EHD2: variants seen among roughly 807,000 people sequenced by gnomAD.
EHD2 encodes EH domain containing 2.
EHD2 carries 27 observed loss-of-function variants against 41.0 expected under a neutral mutation model. The ratio of observed to expected loss-of-function variants is 0.66; its 90% confidence interval spans 0.49 to 0.91. The LOEUF (loss-of-function observed/expected upper bound fraction) is 0.91. Ranked by LOEUF, EHD2 falls within the 40% of genes least tolerant of loss-of-function variation. The probability of loss-of-function intolerance (pLI) is 0.00; values close to 1 mark genes in which losing one functional copy is unlikely to be tolerated. For missense variants in EHD2, 673 were observed against 773.9 expected, an observed-to-expected ratio of 0.87 and a Z score of 1.55; for synonymous variants, 342 against 341.0, an observed-to-expected ratio of 1.00 and a Z score of -0.03.
Position 47,718,165 on chromosome 19 carries a change from C to T in EHD2, c.405-344C>T, listed in dbSNP as rs1377141018. ...GTGCCCACCTGTAATCCCAGCTACT[C>T]GGGAGGCTTAGGCAGGAGAATCACT... is the stretch of plus-strand genomic sequence containing the variant. On this transcript the variant is annotated intron_variant, in intron 2 of 5. Coordinates refer to ENST00000263277, the MANE Select transcript of EHD2 (RefSeq NM_014601.4). Among the ~76,000 whole-genome samples the T allele has an allele frequency of 6.0e-5, 9 of 151,056 alleles. No homozygotes were observed. In the South Asian group the frequency reaches 8.4e-4, roughly 14 times the overall value.
intron 5 of EHD2, among the ~76,000 whole-genome samples, chr19:47,736,940 T>C (rs532820433): frequency 9.2e-5 from 14 of 152,050 alleles, no homozygotes; most frequent in African/African-American, 3.1e-4. Flanking sequence ...CAGCAAGAAG[T>C]TGGGAAGGGG....
chr19:47,733,251 T>G (rs998696020), intron 4 of EHD2, among the ~76,000 whole-genome samples: 1 of 151,518 alleles, frequency 6.6e-6, no homozygotes, highest in African/African-American at 2.4e-5. Context: ...TTTTTTTTTT[T>G]TTGAGACAGT....
In EHD2 at chr19:47,741,465, C is replaced by A. The variant is rs1431802961; in HGVS notation, c.*33C>A. On this transcript the variant is annotated 3_prime_UTR_variant, in exon 6 of 6. Coordinates refer to ENST00000263277, the MANE Select transcript of EHD2 (RefSeq NM_014601.4). The surrounding 1 kb of genome is among the most constrained non-coding windows in gnomAD (Gnocchi z 4.5). ...CCCCTCCCATGGCCCTGCTGTGGCT[C>A]CCCAGCTCCAGTCGGCTGCACGCAC... 3 of 1,538,338 alleles carry A rather than the reference C, an allele frequency of 2.0e-6. No individual in the cohort carries two copies. Among genetic ancestry groups the A allele is most frequent in the Non-Finnish European group, 2.6e-6 (3 of 1,148,288 alleles).
rs368179494 is a variant in EHD2, at chr19:47,718,605, C to T, written c.501C>T (p.Arg167=). 22 of 1,548,664 alleles carry T rather than the reference C, an allele frequency of 1.4e-5. No individual in the cohort carries two copies. The highest frequency in any genetic ancestry group is 7.8e-5 in the Admixed American group (4 of 51,182). Residue 167 remains arginine (R), a splice_region_variant and synonymous_variant, in exon 3 of 6, where the codon CGC becomes CGT. Coordinates refer to ENST00000263277, the MANE Select transcript of EHD2 (RefSeq NM_014601.4). The stretch of plus-strand genomic sequence containing the variant: ...CGGGTGCCAAGCAGAGAGTGAGCCG[C>T]GGTGAGTGGGGCCAGACCCTGGGGT... The part of the protein sequence containing the change: ...ILSGAKQRVS[R]GYDFPAVLRW...
chr19:47,725,406 A>G (rs1973740276), intron 3 of EHD2, among the ~76,000 whole-genome samples: 2 of 150,910 alleles, frequency 1.3e-5, no homozygotes, highest in East Asian at 1.9e-4. Context: ...CAAAAAAAAA[A>G]AAAAAAAAAA....
In EHD2 at chr19:47,742,139, CCTT is replaced by C. The variant is rs953409031; in HGVS notation, c.*711_*713del. ...CACCCATTTATTTCCTTCCTTCCTTCCTTCTTTTCTTTCCTTCCTTCCTTCTTT... is the reference window on the plus strand; with the variant it reads ...CACCCATTTATTTCCTTCCTTCCTTCCTTTTCTTTCCTTCCTTCCTTCTTT... On this transcript the variant is annotated 3_prime_UTR_variant, in exon 6 of 6. Coordinates refer to ENST00000263277, the MANE Select transcript of EHD2 (RefSeq NM_014601.4). 1.0e-4 allele frequency: 33 copies of C among 326,952 alleles called. No homozygotes were observed. The highest frequency in any genetic ancestry group is 2.3e-4 in the Admixed American group (5 of 22,222). 20.3% of individuals were successfully genotyped at this position (326,952 alleles called of 1,614,324 possible).
At chr19:47,740,374 A>C (rs534136134) in intron 5 of EHD2, among the ~76,000 whole-genome samples, 2 of 151,758 alleles carry the variant, frequency 1.3e-5, no homozygotes, top group East Asian at 3.9e-4. Context: ...GGGAGTTGGA[A>C]GCTGCAGTGA....
intron 4 of EHD2, among the ~76,000 whole-genome samples, chr19:47,728,591 C>T (rs1320677026): frequency 7.6e-6 from 1 of 132,116 alleles, no homozygotes; most frequent in African/African-American, 2.9e-5. Flanking sequence ...TTTTTTGAGA[C>T]AGGGTCTCCC....
At chr19:47,729,153 C>T (rs1973782799) in intron 4 of EHD2, among the ~76,000 whole-genome samples, 1 of 152,090 alleles carries the variant, frequency 6.6e-6, no homozygotes, top group African/African-American at 2.4e-5. Context: ...CCCCAGGCAC[C>T]GATGACCCAG....
At chr19:47,721,166 T>TGG (rs1053816133) in intron 3 of EHD2, among the ~76,000 whole-genome samples, 7 of 37,152 alleles carry the variant, frequency 1.9e-4, no homozygotes, top group African/African-American at 1.2e-3. Flanking sequence ...CTACTGGGGG[T>TGG]GTGTGTGTGT....
Position 47,741,796 on chromosome 19 carries a change from A to C in EHD2, c.*364A>C. 1.0e-5 allele frequency: 5 copies of C among 502,064 alleles called. No homozygotes were observed. The highest frequency in any genetic ancestry group is 1.6e-5 in the Non-Finnish European group (4 of 257,648). The allele number at this position is 502,064 out of a possible 1,614,324, so 31.1% of individuals were successfully genotyped here. A position where few individuals can be genotyped will look rare whatever the true frequency, so the allele number is the denominator to read the frequency against. ...TTACCATAGAGAACAAAATAGACAA[A>C]TACATCTGCCCTCATGGAAGGTGAC... On this transcript the variant is annotated 3_prime_UTR_variant, in exon 6 of 6. Transcript: ENST00000263277. The surrounding 1 kb of genome is among the most constrained non-coding windows in gnomAD (Gnocchi z 4.5).
chr19:47,741,273 G>A lies in EHD2; in HGVS notation c.1473G>A (p.Lys491=), dbSNP rs1299531202. The A allele has an allele frequency of 2.5e-6, 4 of 1,614,146 alleles. No homozygotes were observed. Among genetic ancestry groups the A allele is most frequent in the Non-Finnish European group, 3.4e-6 (4 of 1,180,008 alleles). Residue 491 remains lysine (K), a synonymous_variant, in exon 6 of 6, where the codon AAG becomes AAA. Transcript: ENST00000263277. The surrounding 1 kb of genome is among the most constrained non-coding windows in gnomAD (Gnocchi z 4.5). ...LPNSVLGRIW[K]LSDVDRDGML... Reference sequence around the variant, plus strand: ...ACTCAGTGCTGGGGCGCATCTGGAAGCTCAGCGATGTGGACCGCGACGGCA... The same window carrying A: ...ACTCAGTGCTGGGGCGCATCTGGAAACTCAGCGATGTGGACCGCGACGGCA...
chr19:47,725,126 G>A (rs372295149), intron 3 of EHD2, among the ~76,000 whole-genome samples: 1 of 151,896 alleles, frequency 6.6e-6, no homozygotes, highest in East Asian at 1.9e-4. Flanking sequence ...ATAGAGGCAT[G>A]TGGCAGGCTT....
chr19:47,740,122 T>G (rs55886541), intron 5 of EHD2, among the ~76,000 whole-genome samples: 2,134 of 152,102 alleles, frequency 0.014, 26 homozygotes, highest in South Asian at 0.037. Flanking sequence ...TCCCAGCACT[T>G]TAGGAGGTTG....
At chr19:47,724,947 A>C (rs888655905) in intron 3 of EHD2, among the ~76,000 whole-genome samples, 36 of 126,342 alleles carry the variant, frequency 2.8e-4, no homozygotes, top group African/African-American at 1.0e-3. Flanking sequence ...ATGCCACTGC[A>C]CTCCAGCCTG....
chr19:47,741,690 C>T lies in EHD2; in HGVS notation c.*258C>T. On this transcript the variant is annotated 3_prime_UTR_variant, in exon 6 of 6. Coordinates refer to ENST00000263277, the MANE Select transcript of EHD2 (RefSeq NM_014601.4). The surrounding 1 kb of genome is among the most constrained non-coding windows in gnomAD (Gnocchi z 4.5). ...CACATCACACACACACTGGCACACG[C>T]AGGCATCCATCCATCCGTCATTCAT... is the stretch of plus-strand genomic sequence containing the variant. The T allele has an allele frequency of 1.6e-6, 1 of 634,130 alleles. No homozygotes were observed. Among genetic ancestry groups the T allele is most frequent in the Non-Finnish European group, 2.8e-6 (1 of 354,104 alleles). The allele number at this position is 634,130 out of a possible 1,614,324, so 39.3% of individuals were successfully genotyped here.
intron 3 of EHD2, 82 bp from the exon 4 acceptor site, chr19:47,725,730 A>G: frequency 6.7e-7 from 1 of 1,493,684 alleles, no homozygotes; most frequent in Non-Finnish European, 9.0e-7. Context: ...TATGCAAGAG[A>G]ATGGGATACT....
chr19:47,732,619 C>G (rs1463324825), intron 4 of EHD2, among the ~76,000 whole-genome samples: 2 of 151,976 alleles, frequency 1.3e-5, no homozygotes, highest in Non-Finnish European at 2.9e-5. Flanking sequence ...CCAAGTCTTG[C>G]TATGTTGCCC....
At chr19:47,739,274 ATTTTTTTTTTT>A (rs57266469) in intron 5 of EHD2, among the ~76,000 whole-genome samples, 97 of 116,058 alleles carry the variant, frequency 8.4e-4, no homozygotes, top group African/African-American at 1.8e-3. Flanking sequence ...CTAATTTTTA[ATTTTTTTTTTT>A]TTTTTTTTTT....
Sources: allele counts gnomAD v4.1 joint callset (sites outside exome capture counted in the v4.1 genomes callset), GRCh38; gene constraint gnomAD v4.1.1; non-coding constraint Gnocchi (gnomAD v3.1); transcripts MANE v1.5; gene names NCBI Gene and HGNC (gene_info 2026-07-23, HGNC 2026-07-21).